The following IGFBP5 variants were observed in gnomAD, a reference collection of about 807,000 sequenced individuals.
IGFBP5 encodes the protein insulin-like growth factor-binding protein 5.
IGFBP5 carries 12 observed loss-of-function variants against 28.0 expected under a neutral mutation model. The ratio of observed to expected loss-of-function variants is 0.43; its 90% CI spans 0.27 to 0.69. IGFBP5 has a LOEUF of 0.69. Among genes scored for constraint, IGFBP5 ranks in the 30% least tolerant of loss-of-function variants. IGFBP5 has a pLI of 0.20. For missense variants in IGFBP5, 344 were observed against 381.6 expected, an observed-to-expected ratio of 0.90 and a Z score of 0.82; for synonymous variants, 152 against 150.2, an observed-to-expected ratio of 1.01 and a Z score of -0.09.
chr2:216,693,337 T>C (rs947156215), intron 1 of IGFBP5, among the ~76,000 whole-genome samples: 2 of 150,798 alleles, frequency 1.3e-5, no homozygotes, highest in Non-Finnish European at 2.9e-5. Context: ...TCCCAGTGCG[T>C]GGCTTTTCTG....
At chr2:216,683,886 A>G (rs538230884) in intron 1 of IGFBP5, among the ~76,000 whole-genome samples, 1 of 152,254 alleles carries the variant, frequency 6.6e-6, no homozygotes, top group African/African-American at 2.4e-5. Flanking sequence ...TGGCTCTCCA[A>G]TGCCTCTGGC....
rs1012231136 is a variant in IGFBP5 at position 216,694,805 on chromosome 2, G to A, written c.-30C>T. 56 of 1,369,240 alleles carry A rather than the reference G, an allele frequency of 4.1e-5. No homozygotes were observed. The Admixed American group carries it at 1.1e-3, about 26-fold the overall frequency. The allele number at this position is 1,369,240 out of a possible 1,614,324, so 84.8% of individuals were successfully genotyped here. A position where few individuals can be genotyped will look rare whatever the true frequency, so the allele number is the denominator to read the frequency against. On this transcript the variant is annotated 5_prime_UTR_variant, in exon 1 of 4. Transcript: ENST00000233813. This position sits in a 1 kb window ranked among gnomAD's most constrained non-coding sequence, Gnocchi z 5.2. ...TCTTAGTCGCCCCCTTTACCTCGGGGTGGGGCAGGAGAGCGAGAGTGCAGG... is the reference window on the plus strand; with the variant it reads ...TCTTAGTCGCCCCCTTTACCTCGGGATGGGGCAGGAGAGCGAGAGTGCAGG...
intron 3 of IGFBP5, among the ~76,000 whole-genome samples, chr2:216,677,114 T>C (rs2106216854): frequency 6.6e-6 from 1 of 152,160 alleles, no homozygotes; most frequent in South Asian, 2.1e-4. Flanking sequence ...TTTCCTTTTT[T>C]TTTTTTCAGA....
At position 216,694,443 on chromosome 2, in the gene IGFBP5, C is replaced by T. The variant is rs766716574; in HGVS notation, c.333G>A (p.Lys111=). The T allele has an allele frequency of 2.4e-5, 38 of 1,554,012 alleles. No individual in the cohort carries two copies. In the South Asian group the frequency reaches 3.9e-4, roughly 16 times the overall value. ...LNEKSYREQV[K]IERDSREHEE... is the part of the protein sequence containing the mutation. ...TGGCACACTGAGCGCGCTCACCGAT[C>T]TTGACTTGCTCGCGGTAGCTCTTTT... The change falls in exon 1 of 4, where the codon AAG becomes AAA. Residue 111 remains lysine (K), a synonymous_variant. Coordinates refer to ENST00000233813, the MANE Select transcript of IGFBP5 (RefSeq NM_000599.4). The surrounding 1 kb of genome is among the most constrained non-coding windows in gnomAD (Gnocchi z 5.2).
chr2:216,682,755 C>A (rs903028078), intron 1 of IGFBP5, among the ~76,000 whole-genome samples: 24 of 151,686 alleles, frequency 1.6e-4, no homozygotes, highest in Admixed American at 1.2e-3. Flanking sequence ...GTCGCCCAGG[C>A]TGGAGTGCAG....
Position 216,679,297 on chromosome 2 carries a change from G to C in IGFBP5, c.338-218C>G. ...AAGTTTCTGGCATGCTTGGAGTCAAGCAGAGAGTGCAGGCAGGGAGGCTTC... is the reference window on the plus strand; with the variant it reads ...AAGTTTCTGGCATGCTTGGAGTCAACCAGAGAGTGCAGGCAGGGAGGCTTC... On this transcript the variant is annotated intron_variant, in intron 1 of 3. Transcript: ENST00000233813. This position sits in a 1 kb window ranked among gnomAD's most constrained non-coding sequence, Gnocchi z 4.6. 1.7e-6 allele frequency: 1 copy of C among 597,788 alleles called. No homozygotes were observed. The highest frequency in any genetic ancestry group is 1.8e-5 in the South Asian group (1 of 54,626). 37.0% of individuals were successfully genotyped at this position (597,788 alleles called of 1,614,324 possible). A position where few individuals can be genotyped will look rare whatever the true frequency, so the allele number is the denominator to read the frequency against.
intron 1 of IGFBP5, among the ~76,000 whole-genome samples, chr2:216,686,355 T>C (rs1025267931): frequency 1.3e-5 from 2 of 152,202 alleles, no homozygotes; most frequent in Non-Finnish European, 2.9e-5. Context: ...TGTGCCACCC[T>C]AAACCTTCAG....
chr2:216,694,677 T>C lies in IGFBP5; in HGVS notation c.99A>G (p.Lys33=), dbSNP rs1335941208. ...GGCTGGGGGGGCACATGGAGAGGGCTTTCTCGTCGCAGGGCTCGCAGTGCA... is the reference window on the plus strand; with the variant it reads ...GGCTGGGGGGGCACATGGAGAGGGCCTTCTCGTCGCAGGGCTCGCAGTGCA... The part of the protein sequence containing the change: ...SFVHCEPCDE[K]ALSMCPPSPL... The change falls in exon 1 of 4, where the codon AAA becomes AAG. Residue 33 remains lysine (K), a synonymous_variant. Coordinates refer to ENST00000233813, the MANE Select transcript of IGFBP5 (RefSeq NM_000599.4). The surrounding 1 kb of genome is among the most constrained non-coding windows in gnomAD (Gnocchi z 5.2). 1 of 1,523,144 alleles carries C rather than the reference T, an allele frequency of 6.6e-7. No homozygotes were observed. The highest frequency in any genetic ancestry group is 8.8e-7 in the Non-Finnish European group (1 of 1,139,008). The allele number at this position is 1,523,144 out of a possible 1,614,324, so 94.4% of individuals were successfully genotyped here.
intron 1 of IGFBP5, among the ~76,000 whole-genome samples, chr2:216,685,280 A>T (rs1008652051): frequency 2.0e-5 from 3 of 152,084 alleles, no homozygotes; most frequent in African/African-American, 7.2e-5. Flanking sequence ...CAAAAAAAAA[A>T]AAAAAAGTAT....
intron 3 of IGFBP5, 94 bp downstream of exon 3, chr2:216,678,017 CG>C (rs2106217319): frequency 4.1e-6 from 5 of 1,217,842 alleles, no homozygotes; most frequent in Non-Finnish European, 4.3e-6. Context: ...AAGTGGTTAA[CG>C]GTGGAAACCT....
chr2:216,676,669 G>A lies in IGFBP5; in HGVS notation c.*82C>T. 1.2e-6 allele frequency: 1 copy of A among 824,140 alleles called. No individual in the cohort carries two copies. The highest frequency in any genetic ancestry group is 3.6e-4 in the Middle Eastern group (1 of 2,794). 51.1% of individuals were successfully genotyped at this position (824,140 alleles called of 1,614,324 possible). A position where few individuals can be genotyped will look rare whatever the true frequency, so the allele number is the denominator to read the frequency against. ...TCCCTTAAATGAGATGAAATGAGTG[G>A]CGTCCTGGGGTGGAGGGAGGCGCTG... On this transcript the variant is annotated 3_prime_UTR_variant, in exon 4 of 4. Coordinates refer to ENST00000233813, the MANE Select transcript of IGFBP5 (RefSeq NM_000599.4).
rs1012312656 is a variant in IGFBP5 at position 216,676,199 on chromosome 2, G to A, written c.*552C>T. The A allele has an allele frequency of 4.6e-5, 7 of 152,836 alleles. No homozygotes were observed. The highest frequency in any genetic ancestry group is 4.4e-5 in the Non-Finnish European group (3 of 68,248). 9.5% of individuals were successfully genotyped at this position (152,836 alleles called of 1,614,324 possible). ...GCTGGCTAGAGGAGGAGACAGATCC[G>A]GGAGAGGTCCTGGAGTGTTTTGCCT... is the stretch of plus-strand genomic sequence containing the variant. On this transcript the variant is annotated 3_prime_UTR_variant, in exon 4 of 4. Transcript: ENST00000233813.
At position 216,679,723 on chromosome 2, in the gene IGFBP5, C is replaced by T. The variant is rs1051078325; in HGVS notation, c.338-644G>A. On this transcript the variant is annotated intron_variant, in intron 1 of 3. Transcript: ENST00000233813. This position sits in a 1 kb window ranked among gnomAD's most constrained non-coding sequence, Gnocchi z 4.6. ...GCGGCAGGAGGAGGGGAGGGGAGAGCCAGAAATGTAGGCCCGGAGGGGACC... is the reference window on the plus strand; with the variant it reads ...GCGGCAGGAGGAGGGGAGGGGAGAGTCAGAAATGTAGGCCCGGAGGGGACC... 6.6e-6 allele frequency among the ~76,000 whole-genome samples: 1 copy of T among 151,974 alleles called. No homozygotes were observed. The highest frequency in any genetic ancestry group is 2.4e-5 in the African/African-American group (1 of 41,370).
rs201718593 is a variant in IGFBP5 at position 216,678,913 on chromosome 2, T to C, written c.504A>G (p.Gly168=). 9.3e-6 allele frequency: 15 copies of C among 1,613,950 alleles called. No homozygotes were observed. The highest frequency in any genetic ancestry group is 1.3e-5 in the Non-Finnish European group (15 of 1,180,026). The change falls in exon 2 of 4, where the codon GGA becomes GGG. Residue 168 remains glycine, a synonymous_variant. Coordinates refer to ENST00000233813, the MANE Select transcript of IGFBP5 (RefSeq NM_000599.4). ...KKLTQSKFVG[G]AENTAHPRII... is the part of the protein sequence containing the mutation. Reference sequence around the variant, plus strand: ...TCCGGGGGTGGGCAGTGTTCTCGGCTCCCCCGACAAACTTGGACTGGGTCA... The same window carrying C: ...TCCGGGGGTGGGCAGTGTTCTCGGCCCCCCCGACAAACTTGGACTGGGTCA...
chr2:216,678,616 G>A, intron 2 of IGFBP5: 1 of 579,978 alleles, frequency 1.7e-6, no homozygotes, highest in South Asian at 2.2e-5. Context: ...CGCTGGGCTG[G>A]CACACACTCT....
chr2:216,682,564 T>TG (rs1267939128), intron 1 of IGFBP5, among the ~76,000 whole-genome samples: 1 of 152,198 alleles, frequency 6.6e-6, no homozygotes, highest in Non-Finnish European at 1.5e-5. Context: ...TGGTGAAGAT[T>TG]GTTCTGCACG....
chr2:216,678,101 A>AT lies in IGFBP5; in HGVS notation c.687+10_687+11insA. On this transcript the variant is annotated intron_variant, in intron 3 of 3. Coordinates refer to ENST00000233813, the MANE Select transcript of IGFBP5 (RefSeq NM_000599.4). ...GCAGTCTGAGCCTGGAGCTCAGGGC[A>AT]GGGGACGTACCTGCTTTCTCTTGTA... 1 of 1,485,242 alleles carries AT rather than the reference A, an allele frequency of 6.7e-7. No individual in the cohort carries two copies. The highest frequency in any genetic ancestry group is 9.0e-7 in the Non-Finnish European group (1 of 1,106,294). The allele number at this position is 1,485,242 out of a possible 1,614,324, so 92.0% of individuals were successfully genotyped here. A position where few individuals can be genotyped will look rare whatever the true frequency, so the allele number is the denominator to read the frequency against.
intron 1 of IGFBP5, among the ~76,000 whole-genome samples, chr2:216,690,577 G>A (rs1689083405): frequency 6.6e-6 from 1 of 152,088 alleles, no homozygotes; most frequent in South Asian, 2.1e-4. Context: ...TAACCCTCAC[G>A]ATGACCTCTG....
chr2:216,694,957 G>A lies in IGFBP5; in HGVS notation c.-182C>T. ...AATGTAGAGAGAGGTGGAGGGCTGG[G>A]GTGCCTGCGAGCAGGTCCCAGTTGC... On this transcript the variant is annotated 5_prime_UTR_variant, in exon 1 of 4. Coordinates refer to ENST00000233813, the MANE Select transcript of IGFBP5 (RefSeq NM_000599.4). This position sits in a 1 kb window ranked among gnomAD's most constrained non-coding sequence, Gnocchi z 5.2. 1 of 422,730 alleles carries A rather than the reference G, an allele frequency of 2.4e-6. No homozygotes were observed. The highest frequency in any genetic ancestry group is 4.1e-6 in the Non-Finnish European group (1 of 244,412). The allele number at this position is 422,730 out of a possible 1,614,324, so 26.2% of individuals were successfully genotyped here. A position where few individuals can be genotyped will look rare whatever the true frequency, so the allele number is the denominator to read the frequency against.
Sources: gnomAD v4.1 joint callset for allele counts (sites outside exome capture counted in the v4.1 genomes callset) on GRCh38, gnomAD v4.1.1 for gene constraint, Gnocchi (gnomAD v3.1) non-coding constraint, MANE v1.5 for transcripts, NCBI Gene and HGNC (gene_info 2026-07-23, HGNC 2026-07-21) for gene names.